The following CCDC77 variants were observed in gnomAD, a reference collection of about 807,000 sequenced individuals.
CCDC77 encodes coiled-coil domain-containing protein 77.
In CCDC77, 56 loss-of-function variants were observed where a neutral mutation model predicts 66.8. That is an observed-to-expected ratio of 0.84 (90% confidence interval 0.68 to 1.05). The LOEUF (loss-of-function observed/expected upper bound fraction) is 1.05, where lower values mean the gene tolerates loss of function less well. CCDC77 is among the 50% of genes least tolerant of loss of function. CCDC77 has a pLI of 0.00. For synonymous variants in CCDC77, 196 were observed against 195.2 expected (o/e 1.00, Z -0.03); for missense variants, 570 against 576.8 (o/e 0.99, Z 0.12).
chr12:418,890 G>A (rs1180779905), intron 5 of CCDC77: 1 of 378,680 alleles, frequency 2.6e-6, no homozygotes, highest in African/African-American at 2.1e-5. Flanking sequence ...GTGGAGATGG[G>A]GTTTTGCCCT....
At chr12:402,442 A>G (rs1368227962) in intron 1 of CCDC77, among the ~76,000 whole-genome samples, 1 of 152,220 alleles carries the variant, frequency 6.6e-6, no homozygotes, top group Non-Finnish European at 1.5e-5. Context: ...ATGAGTTTTC[A>G]TGTACAGACT....
At chr12:426,055 G>C (rs1294483283) in intron 5 of CCDC77, among the ~76,000 whole-genome samples, 3 of 152,146 alleles carry the variant, frequency 2.0e-5, no homozygotes, top group Admixed American at 1.3e-4. Context: ...AGTAGAGATG[G>C]GGTTTCACCA....
intron 1 of CCDC77, among the ~76,000 whole-genome samples, chr12:394,340 C>T (rs1944799731): frequency 6.6e-6 from 1 of 152,174 alleles, no homozygotes; most frequent in Non-Finnish European, 1.5e-5. Flanking sequence ...AGATTTATCA[C>T]AGTTAATAAT....
Position 442,078 on chromosome 12 carries a change from G to C in CCDC77, c.*158G>C. 5.4e-6 allele frequency: 4 copies of C among 746,574 alleles called. No homozygotes were observed. Among genetic ancestry groups the C allele is most frequent in the Non-Finnish European group, 8.8e-6 (4 of 455,798 alleles). The allele number at this position is 746,574 out of a possible 1,614,324, so 46.2% of individuals were successfully genotyped here. Reference sequence around the variant, plus strand: ...TGAAGAATCGGGGACCACTAGGAAAGCTTTTCTTGCATACTCAGCTTGCTT... The same window carrying C: ...TGAAGAATCGGGGACCACTAGGAAACCTTTTCTTGCATACTCAGCTTGCTT... On this transcript the variant is annotated 3_prime_UTR_variant, in exon 13 of 13. Coordinates refer to ENST00000239830, the MANE Select transcript of CCDC77 (RefSeq NM_032358.4).
chr12:407,429 G>A (rs1024823334), intron 2 of CCDC77, among the ~76,000 whole-genome samples: 3 of 152,172 alleles, frequency 2.0e-5, no homozygotes, highest in Non-Finnish European at 4.4e-5. Flanking sequence ...TATATTTGGC[G>A]AGCTTGGGAG....
intron 3 of CCDC77, 110 bp downstream of exon 3, chr12:409,531 T>G (rs1372161889): frequency 1.9e-6 from 2 of 1,044,290 alleles, no homozygotes; most frequent in Non-Finnish European, 1.5e-6. Context: ...AAGTTTTTTT[T>G]CTTTGAGACA....
chr12:436,115 CTTT>C (rs1181059309), intron 9 of CCDC77, among the ~76,000 whole-genome samples: 4 of 106,130 alleles, frequency 3.8e-5, no homozygotes, highest in Non-Finnish European at 1.8e-5. Flanking sequence ...GATCCTTTGT[CTTT>C]TTTTTTTTTT....
rs79307124 is a variant in CCDC77, at chr12:430,753, C to T, written c.583+17C>T. On this transcript the variant is annotated intron_variant, in intron 7 of 12. Coordinates refer to ENST00000239830, the MANE Select transcript of CCDC77 (RefSeq NM_032358.4). Reference sequence around the variant, plus strand: ...TCAAAGCAGGTAACAACCATATAACCTATTAGAAATTCTCATCAATGCAGA... The same window carrying T: ...TCAAAGCAGGTAACAACCATATAACTTATTAGAAATTCTCATCAATGCAGA... 7.4e-5 allele frequency: 117 copies of T among 1,590,650 alleles called. No homozygotes were observed. The African/African-American group carries it at 1.3e-3, about 18-fold the overall frequency.
At chr12:409,317 T>G in intron 2 of CCDC77, 51 bp from the exon 3 acceptor site, 1 of 1,368,218 alleles carries the variant, frequency 7.3e-7, no homozygotes, top group Non-Finnish European at 1.0e-6. Flanking sequence ...CTGTACTGTT[T>G]TTATTTTTCT....
upstream of CCDC77, among the ~76,000 whole-genome samples, chr12:399,811 G>T (rs1944873842): frequency 6.6e-6 from 1 of 152,166 alleles, no homozygotes; most frequent in Non-Finnish European, 1.5e-5. Context: ...AGGGCTCTAG[G>T]ATTTCAGGGA....
intron 8 of CCDC77, among the ~76,000 whole-genome samples, 160 bp downstream of exon 8, chr12:432,114 C>T (rs1177231709): frequency 6.6e-6 from 1 of 152,082 alleles, no homozygotes; most frequent in African/African-American, 2.4e-5. Context: ...TTTCTAAGAG[C>T]TTATATTTTG....
chr12:418,743 A>C, intron 5 of CCDC77, 107 bp downstream of exon 5: 1 of 1,255,984 alleles, frequency 8.0e-7, no homozygotes, highest in Non-Finnish European at 1.1e-6. Flanking sequence ...TCTATTGCCC[A>C]GGCTGGAGTA....
chr12:428,761 A>T lies in CCDC77; in HGVS notation c.414-8A>T. Reference sequence around the variant, plus strand: ...ATAATATGTGCTTGCTTTCCATGAGAATTGCAGGGAGCTAGAAGACAAGAA... The same window carrying T: ...ATAATATGTGCTTGCTTTCCATGAGTATTGCAGGGAGCTAGAAGACAAGAA... On this transcript the variant is annotated splice_polypyrimidine_tract_variant and splice_region_variant and intron_variant, in intron 5 of 12. Transcript: ENST00000239830. 1 of 1,590,652 alleles carries T rather than the reference A, an allele frequency of 6.3e-7. No homozygotes were observed. Among genetic ancestry groups the T allele is most frequent in the Non-Finnish European group, 8.6e-7 (1 of 1,164,824 alleles).
chr12:437,660 C>T (rs1304394374), intron 9 of CCDC77, among the ~76,000 whole-genome samples: 1 of 151,818 alleles, frequency 6.6e-6, no homozygotes, highest in Non-Finnish European at 1.5e-5. Context: ...GCCTAAGGAA[C>T]ATAGCAAGAC....
rs772457896 is a variant in CCDC77, at chr12:433,337, AAGC to A, written c.821+16_821+18del. ...CTAACCAAAAAGTGAGTGTCTAAGA[AAGC>A]TGTACCTAACGGGTATTGTATTTTT... On this transcript the variant is annotated intron_variant, in intron 9 of 12. Coordinates refer to ENST00000239830, the MANE Select transcript of CCDC77 (RefSeq NM_032358.4). 6.2e-7 allele frequency: 1 copy of A among 1,613,168 alleles called. No individual in the cohort carries two copies. The highest frequency in any genetic ancestry group is 1.1e-5 in the South Asian group (1 of 91,030).
chr12:427,109 G>A (rs1343263485), intron 5 of CCDC77, among the ~76,000 whole-genome samples: 1 of 152,108 alleles, frequency 6.6e-6, no homozygotes, highest in Non-Finnish European at 1.5e-5. Context: ...GCTGGGCATT[G>A]TGGCATGCGC....
At chr12:397,396 A>G (rs1363343559), upstream of CCDC77, among the ~76,000 whole-genome samples, 1 of 152,204 alleles carries the variant, frequency 6.6e-6, no homozygotes, top group Admixed American at 6.5e-5. Context: ...GTTTGGGAAG[A>G]TATTAATGTA....
Position 438,403 on chromosome 12 carries a change from A to G in CCDC77, c.890A>G (p.Gln297Arg). The G allele has an allele frequency of 1.2e-6, 2 of 1,614,136 alleles. No individual in the cohort carries two copies. Among genetic ancestry groups the G allele is most frequent in the Non-Finnish European group, 1.7e-6 (2 of 1,179,962 alleles). The part of the protein sequence containing the change: ...KDFLQLRSEN[Q>R]NKEKSWMLEK... The stretch of plus-strand genomic sequence containing the variant: ...TTTCTGCAACTCAGATCTGAAAACC[A>G]AAATAAAGAGAAGTCATGGATGCTT... The change falls in exon 10 of 13, where the codon CAA becomes CGA. Residue 297 changes from glutamine to arginine, a missense_variant. By Grantham distance (43) the Gln-to-Arg change is conservative. Coordinates refer to ENST00000239830, the MANE Select transcript of CCDC77 (RefSeq NM_032358.4).
chr12:411,913 T>A lies in CCDC77; in HGVS notation c.205T>A (p.Cys69Ser). 6.2e-7 allele frequency: 1 copy of A among 1,613,766 alleles called. No homozygotes were observed. Among genetic ancestry groups the A allele is most frequent in the South Asian group, 1.1e-5 (1 of 91,064 alleles). The change falls in exon 4 of 13, where the codon TGT (cysteine) becomes AGT (serine). Residue 69 changes from cysteine to serine, a missense_variant. Transcript: ENST00000239830. ...ATATTATCAAAAGAAGATGGCTGAG[T>A]GTGAGGCAGAAAATGAGGACTTGCT... ...LEYYQKKMAE[C>S]EAENEDLLKK... is the part of the protein sequence containing the mutation.
Sources: allele counts gnomAD v4.1 joint callset (sites outside exome capture counted in the v4.1 genomes callset), GRCh38; gene constraint gnomAD v4.1.1; transcripts MANE v1.5; gene names NCBI Gene and HGNC (gene_info 2026-07-23, HGNC 2026-07-21).